The following SHISA9 variants were observed in gnomAD, a reference collection of about 807,000 sequenced individuals.
The protein encoded by SHISA9 is shisa family member 9.
In SHISA9, 13 loss-of-function variants were observed where a neutral mutation model predicts 38.0. The observed-to-expected ratio is 0.34, with a 90% confidence interval of 0.22 to 0.54. SHISA9 has a LOEUF of 0.54. Among genes scored for constraint, SHISA9 ranks in the 20% least tolerant of loss-of-function variants. SHISA9 has a pLI of 0.91. For missense variants in SHISA9, 538 were observed against 575.8 expected (o/e 0.93, Z 0.67); for synonymous variants, 275 against 242.0 (o/e 1.14, Z -1.27).
the SHISA9 span, among the ~76,000 whole-genome samples, chr16:13,293,509 A>G: frequency 2.0e-5 from 3 of 152,292 alleles, no homozygotes; most frequent in Admixed American, 1.3e-4. Flanking sequence ...GCTCAGCCTA[A>G]CTTGTAAAAT....
chr16:12,923,377 A>T (rs2071352675), intron 2 of SHISA9, among the ~76,000 whole-genome samples: 1 of 152,068 alleles, frequency 6.6e-6, no homozygotes, highest in Admixed American at 6.6e-5. Flanking sequence ...AAAACACAAA[A>T]ATTAGCTTGG....
At chr16:13,317,862 GA>G in the SHISA9 span, among the ~76,000 whole-genome samples, 1 of 152,096 alleles carries the variant, frequency 6.6e-6, no homozygotes, top group East Asian at 1.9e-4. Context: ...CCTAAGATTG[GA>G]AATGCCTCAT....
At chr16:12,992,424 C>T (rs1596569618) in intron 2 of SHISA9, among the ~76,000 whole-genome samples, 1 of 151,242 alleles carries the variant, frequency 6.6e-6, no homozygotes, top group African/African-American at 2.4e-5. Flanking sequence ...CCCAGCTACT[C>T]AGGAGGCTGA....
chr16:13,335,241 G>A, the SHISA9 span, among the ~76,000 whole-genome samples: 1 of 152,328 alleles, frequency 6.6e-6, no homozygotes, highest in East Asian at 1.9e-4. Context: ...ATAAGAAGAG[G>A]ATTAGTTAGG....
intron 4 of SHISA9, among the ~76,000 whole-genome samples, chr16:13,216,659 T>G (rs2051172268): frequency 6.6e-6 from 1 of 151,884 alleles, no homozygotes; most frequent in South Asian, 2.1e-4. Flanking sequence ...GGCAGAGAAG[T>G]AGGTAGAGGT....
At chr16:13,328,315 G>A in the SHISA9 span, among the ~76,000 whole-genome samples, 2 of 152,032 alleles carry the variant, frequency 1.3e-5, no homozygotes, top group Non-Finnish European at 2.9e-5. Context: ...GACAACACCA[G>A]TGTGATTACA....
At chr16:13,037,164 T>TCCCAGATTCTGAAAG (rs1204552417) in intron 2 of SHISA9, among the ~76,000 whole-genome samples, 1 of 145,116 alleles carries the variant, frequency 6.9e-6, no homozygotes, top group Admixed American at 6.9e-5. Flanking sequence ...ACACTGTTGG[T>TCCCAGATTCTGAAAG]CCCAGATTCT....
chr16:12,950,747 T>C (rs2071743555), intron 2 of SHISA9, among the ~76,000 whole-genome samples: 3 of 151,714 alleles, frequency 2.0e-5, no homozygotes, highest in Non-Finnish European at 4.4e-5. Flanking sequence ...TAGCTGGGAT[T>C]ATTAGCTACC....
At chr16:12,903,519 AT>A in intron 1 of SHISA9, among the ~76,000 whole-genome samples, 1 of 41,738 alleles carries the variant, frequency 2.4e-5, no homozygotes, top group East Asian at 5.5e-4. Flanking sequence ...CTTTTTTTAA[AT>A]TTTTTTTATT....
the SHISA9 span, among the ~76,000 whole-genome samples, chr16:13,508,387 T>C: frequency 5.3e-5 from 8 of 152,346 alleles, no homozygotes; most frequent in East Asian, 1.5e-3. Flanking sequence ...TATTTTGCTA[T>C]TGGAAATAAC....
the SHISA9 span, among the ~76,000 whole-genome samples, chr16:13,354,097 C>T: frequency 4.0e-5 from 6 of 149,234 alleles, no homozygotes; most frequent in African/African-American, 1.2e-4. Context: ...TTTGCCAGTC[C>T]TGGGTGGGGC....
chr16:13,209,024 A>G (rs1264448394), intron 3 of SHISA9, among the ~76,000 whole-genome samples: 1 of 152,230 alleles, frequency 6.6e-6, no homozygotes, highest in Non-Finnish European at 1.5e-5. Context: ...TTGGACATTT[A>G]TCAAGTAATT....
downstream of SHISA9, among the ~76,000 whole-genome samples, chr16:13,244,234 G>A (rs537472179): frequency 3.1e-3 from 477 of 152,232 alleles, 4 homozygotes; most frequent in African/African-American, 0.01. Flanking sequence ...TTATCTCGAT[G>A]TATACTCATG....
chr16:13,022,299 G>A (rs116130395), intron 2 of SHISA9, among the ~76,000 whole-genome samples: 5,297 of 151,528 alleles, frequency 0.035, 163 homozygotes, highest in African/African-American at 0.091. Flanking sequence ...CGACAGGCAT[G>A]CACCACAAGG....
rs142675057 is a variant in SHISA9 at position 13,070,323 on chromosome 16, A to T, written c.692-133071A>T. On this transcript the variant is annotated intron_variant, in intron 2 of 4. Coordinates refer to ENST00000558583, the MANE Select transcript of SHISA9 (RefSeq NM_001145204.3). The stretch of plus-strand genomic sequence containing the variant: ...CTCTCTCTTTCTCTCCTCCTTCCGT[A>T]TGCCCAGCACCCAGTCTCTGTGTTG... Among the ~76,000 whole-genome samples the T allele has an allele frequency of 1.1e-4, 16 of 151,510 alleles. No individual in the cohort carries two copies. The East Asian group carries it at 1.4e-3, about 13-fold the overall frequency.
chr16:13,024,962 T>C (rs1191014255), intron 2 of SHISA9, among the ~76,000 whole-genome samples: 1 of 152,158 alleles, frequency 6.6e-6, no homozygotes, highest in Non-Finnish European at 1.5e-5. Context: ...AAGGGGCAGA[T>C]ATTGGGGAAG....
intron 2 of SHISA9, among the ~76,000 whole-genome samples, chr16:13,038,739 T>C (rs1036335477): frequency 2.0e-5 from 3 of 152,208 alleles, no homozygotes; most frequent in Non-Finnish European, 4.4e-5. Context: ...TGATCGTTTG[T>C]TAATTCTCTT....
intron 2 of SHISA9, among the ~76,000 whole-genome samples, chr16:13,186,648 G>C (rs1451444440): frequency 6.6e-6 from 1 of 151,968 alleles, no homozygotes; most frequent in African/African-American, 2.4e-5. Context: ...TAGTACATTC[G>C]CATTGTTGTG....
rs551249990 is a variant in SHISA9, at chr16:13,100,680, A to G, written c.692-102714A>G. Among the ~76,000 whole-genome samples the G allele has an allele frequency of 4.6e-5, 7 of 152,124 alleles. 1 individual carries two copies. Among genetic ancestry groups the G allele is most frequent in the Non-Finnish European group, 1.0e-4 (7 of 68,014 alleles). ...ATAAGCTGTCCTTAAAAACAGAGAA[A>G]TACTACTCTCTGCTTCTACGAGTTT... is the stretch of plus-strand genomic sequence containing the variant. On this transcript the variant is annotated intron_variant, in intron 2 of 4. Coordinates refer to ENST00000558583, the MANE Select transcript of SHISA9 (RefSeq NM_001145204.3).
Sources: gnomAD v4.1 joint callset for allele counts (sites outside exome capture counted in the v4.1 genomes callset) on GRCh38, gnomAD v4.1.1 for gene constraint, MANE v1.5 for transcripts, NCBI Gene and HGNC (gene_info 2026-07-23, HGNC 2026-07-21) for gene names.